The following THOC2 variants were observed in gnomAD, a reference collection of about 807,000 sequenced individuals.
THOC2 encodes THO complex subunit 2, also known as THO complex 2.
In THOC2, 10 loss-of-function variants were observed where a neutral mutation model predicts 128.4. The ratio of observed to expected loss-of-function variants is 0.08; its 90% CI spans 0.05 to 0.13. THOC2 has a LOEUF of 0.13. Among genes scored for constraint, THOC2 ranks in the 10% least tolerant of loss-of-function variants. The pLI is 1.00. For missense variants in THOC2, 535 were observed against 1,155.7 expected (o/e 0.46, Z 7.79); for synonymous variants, 393 against 396.9 (o/e 0.99, Z 0.12).
chrX:123,608,136 C>T (rs1420877624), intron 38 of THOC2, among the ~76,000 whole-genome samples: 1 of 111,322 alleles, frequency 9.0e-6, no homozygotes, highest in Non-Finnish European at 1.9e-5. Flanking sequence ...TACAGTGGCT[C>T]ACGTCTGTAA....
chrX:123,608,672 G>C (rs1169409081), intron 38 of THOC2, among the ~76,000 whole-genome samples: 3 of 111,489 alleles, frequency 2.7e-5, no homozygotes, highest in African/African-American at 9.8e-5. Flanking sequence ...CACCTGGAAG[G>C]CAGAGGTTGC....
At chrX:123,705,650 T>C (rs1227151135) in intron 3 of THOC2, among the ~76,000 whole-genome samples, 1 of 110,636 alleles carries the variant, frequency 9.0e-6, no homozygotes. Context: ...ACTGCTCAAA[T>C]ACACCCCAAT....
chrX:123,615,703 T>G (rs924972757), intron 33 of THOC2, among the ~76,000 whole-genome samples: 6 of 109,224 alleles, frequency 5.5e-5, no homozygotes, highest in Non-Finnish European at 1.2e-4. Context: ...TAATGAAGTT[T>G]TGAACTGTGC....
intron 8 of THOC2, among the ~76,000 whole-genome samples, chrX:123,683,725 C>T (rs1166014484): frequency 3.6e-5 from 4 of 109,873 alleles, no homozygotes; most frequent in Admixed American, 9.7e-5. Flanking sequence ...CTCAGCCTCC[C>T]GAGTAGCTGG....
chrX:123,682,100 G>A (rs999723771), intron 8 of THOC2, among the ~76,000 whole-genome samples: 8 of 112,056 alleles, frequency 7.1e-5, no homozygotes, highest in South Asian at 3.7e-4. Context: ...TTTAAAAACC[G>A]TAAACTATAG....
Position 123,641,948 on chromosome X carries a change from T to C in THOC2, c.1662-1326A>G, listed in dbSNP as rs2047930086. ...ATCATATTGTTTAAGCCTGGTAAAA[T>C]AGTTATAGCTTACAAATATAACAAA... On this transcript the variant is annotated intron_variant, in intron 15 of 38. Transcript: ENST00000245838. Among the ~76,000 whole-genome samples the C allele has an allele frequency of 2.7e-5, 3 of 112,104 alleles. No individual in the cohort carries two copies. The South Asian group carries it at 1.1e-3, about 41-fold the overall frequency.
At chrX:123,605,371 T>A (rs778066120) in intron 38 of THOC2, among the ~76,000 whole-genome samples, 1 of 111,886 alleles carries the variant, frequency 8.9e-6, no homozygotes, top group Non-Finnish European at 1.9e-5. Context: ...CCTATGAATA[T>A]CAGTGCACAA....
chrX:123,693,885 A>T (rs1318800243), intron 7 of THOC2, among the ~76,000 whole-genome samples: 5 of 111,709 alleles, frequency 4.5e-5, no homozygotes, highest in Non-Finnish European at 9.4e-5. Flanking sequence ...ATATAGGTTT[A>T]GCCCAATAAA....
At chrX:123,674,754 T>G (rs2049418092) in intron 8 of THOC2, among the ~76,000 whole-genome samples, 1 of 111,681 alleles carries the variant, frequency 9.0e-6, no homozygotes, top group African/African-American at 3.3e-5. Flanking sequence ...AATTAACATT[T>G]TAAACTTAAA....
chrX:123,721,572 G>C (rs1418848892), intron 1 of THOC2, among the ~76,000 whole-genome samples: 2 of 107,577 alleles, frequency 1.9e-5, no homozygotes, highest in Non-Finnish European at 3.9e-5. Flanking sequence ...GATCACTTGA[G>C]GTCAGGAGTT....
intron 1 of THOC2, among the ~76,000 whole-genome samples, chrX:123,728,475 T>A (rs1394806024): frequency 9.0e-6 from 1 of 111,109 alleles, no homozygotes; most frequent in Non-Finnish European, 1.9e-5. Context: ...CAGGTCGAAA[T>A]GGGAAATTAA....
At chrX:123,610,002 C>A (rs2147530670) in intron 38 of THOC2, among the ~76,000 whole-genome samples, 1 of 109,971 alleles carries the variant, frequency 9.1e-6, no homozygotes, top group East Asian at 2.9e-4. Flanking sequence ...GCACTCCAGC[C>A]TGGGCGACAG....
chrX:123,623,280 G>A lies in THOC2; in HGVS notation c.3507C>T (p.Tyr1169=), dbSNP rs2047149249. The A allele has an allele frequency of 1.7e-6, 2 of 1,180,670 alleles. No individual in the cohort carries two copies. Among genetic ancestry groups the A allele is most frequent in the South Asian group, 3.9e-5 (2 of 51,204 alleles). Residue 1169 remains tyrosine (Y), a synonymous_variant, in exon 29 of 39, where the codon TAC becomes TAT. Transcript: ENST00000245838. ...RPDLYALAMG[Y]SGQLKSRKSY... ...ACTTTCTACTTTTCAACTGCCCAGAGTAGCTGAAAGTCGCACAAAGTGTTT... is the reference window on the plus strand; with the variant it reads ...ACTTTCTACTTTTCAACTGCCCAGAATAGCTGAAAGTCGCACAAAGTGTTT...
intron 1 of THOC2, among the ~76,000 whole-genome samples, chrX:123,725,713 ATCTT>A (rs1464482384): frequency 9.0e-6 from 1 of 110,764 alleles, no homozygotes; most frequent in Non-Finnish European, 1.9e-5. Flanking sequence ...AACAAAATCA[ATCTT>A]CCTTCCACCA....
At chrX:123,641,191 T>C (rs1044149672) in intron 15 of THOC2, among the ~76,000 whole-genome samples, 2 of 112,175 alleles carry the variant, frequency 1.8e-5, no homozygotes, top group African/African-American at 6.5e-5. Context: ...CCTTTGCTCA[T>C]TATCCTTTTG....
At chrX:123,699,373 GTTAGC>G (rs749466548) in intron 4 of THOC2, among the ~76,000 whole-genome samples, 1 of 111,953 alleles carries the variant, frequency 8.9e-6, no homozygotes, top group South Asian at 3.7e-4. Context: ...TAAGCACACA[GTTAGC>G]TCATGTGTAT....
At chrX:123,609,066 G>C (rs760761966) in intron 38 of THOC2, among the ~76,000 whole-genome samples, 1 of 112,219 alleles carries the variant, frequency 8.9e-6, no homozygotes, top group Non-Finnish European at 1.9e-5. Flanking sequence ...AGTAAACAGA[G>C]ATATATAAAA....
At chrX:123,634,757 G>A (rs368168334) in intron 19 of THOC2, among the ~76,000 whole-genome samples, 1 of 111,342 alleles carries the variant, frequency 9.0e-6, no homozygotes, top group East Asian at 2.8e-4. Flanking sequence ...ACTTGGAAGC[G>A]AGGCAGGGAA....
At chrX:123,701,426 T>C (rs2050696681) in intron 4 of THOC2, among the ~76,000 whole-genome samples, 1 of 112,096 alleles carries the variant, frequency 8.9e-6, no homozygotes, top group Non-Finnish European at 1.9e-5. Flanking sequence ...CATGAATTCA[T>C]GTTACTCGTA....
Sources: allele counts gnomAD v4.1 joint callset (sites outside exome capture counted in the v4.1 genomes callset), GRCh38; gene constraint gnomAD v4.1.1; transcripts MANE v1.5; gene names NCBI Gene and HGNC (gene_info 2026-07-23, HGNC 2026-07-21).